GABRB1: variants seen among roughly 807,000 people sequenced by gnomAD.
GABRB1 encodes the protein gamma-aminobutyric acid type A receptor subunit beta1, also known as gamma-aminobutyric acid receptor subunit beta-1.
In GABRB1, 17 loss-of-function variants were observed where a neutral mutation model predicts 51.6. The ratio of observed to expected loss-of-function variants is 0.33; its 90% CI spans 0.23 to 0.49. The LOEUF (loss-of-function observed/expected upper bound fraction) is 0.49, where lower values mean the gene tolerates loss of function less well. Among genes scored for constraint, GABRB1 ranks in the 20% least tolerant of loss-of-function variants. The pLI is 0.99. For synonymous variants in GABRB1, 247 were observed against 218.9 expected (o/e 1.13, Z -1.14); for missense variants, 410 against 600.6 (o/e 0.68, Z 3.32).
intron 3 of GABRB1, among the ~76,000 whole-genome samples, chr4:47,041,769 A>G (rs1415357256): frequency 6.6e-6 from 1 of 152,094 alleles, no homozygotes; most frequent in African/African-American, 2.4e-5. Flanking sequence ...GTCTCCATGG[A>G]GACAGTTCAA....
At chr4:47,114,813 G>A (rs1470603666) in intron 3 of GABRB1, among the ~76,000 whole-genome samples, 1 of 152,158 alleles carries the variant, frequency 6.6e-6, no homozygotes, top group Non-Finnish European at 1.5e-5. Context: ...TAAGTCAAGA[G>A]CACAGGAAGA....
intron 5 of GABRB1, among the ~76,000 whole-genome samples, chr4:47,360,670 C>G (rs1401243834): frequency 6.6e-6 from 1 of 152,010 alleles, no homozygotes; most frequent in East Asian, 1.9e-4. Flanking sequence ...TGTAAAATCT[C>G]TATTATTACA....
chr4:47,140,692 T>A (rs1159848300), intron 3 of GABRB1, among the ~76,000 whole-genome samples: 1 of 151,814 alleles, frequency 6.6e-6, no homozygotes, highest in Non-Finnish European at 1.5e-5. Flanking sequence ...TTCCCCTTCC[T>A]GTACTTTGGA....
chr4:47,105,029 G>T (rs1714898526), intron 3 of GABRB1, among the ~76,000 whole-genome samples: 1 of 151,962 alleles, frequency 6.6e-6, no homozygotes, highest in Non-Finnish European at 1.5e-5. Context: ...GACATCTTAG[G>T]TAGTATAGTA....
chr4:47,025,090 TCA>T (rs1368652219), intron 1 of GABRB1, among the ~76,000 whole-genome samples: 4 of 150,410 alleles, frequency 2.7e-5, no homozygotes, highest in Non-Finnish European at 5.9e-5. Flanking sequence ...ATCACATATA[TCA>T]CATATATATA....
At position 47,004,842 on chromosome 4, in the gene GABRB1, A is replaced by G. The variant is rs540510088; in HGVS notation, c.-20+10916A>G. 2.6e-5 allele frequency among the ~76,000 whole-genome samples: 4 copies of G among 152,366 alleles called. No homozygotes were observed. In the South Asian group the frequency reaches 8.3e-4, roughly 32 times the overall value. On this transcript the variant is annotated intron_variant, in intron 1 of 3. Transcript: ENST00000513567. ...TTCCACCTTTAAAAATTATACTTCT[A>G]GGAAAAACAATATGTTTGCTATTTG... is the stretch of plus-strand genomic sequence containing the variant.
At chr4:47,060,473 ATTTGT>A (rs1726799178) in intron 3 of GABRB1, among the ~76,000 whole-genome samples, 1 of 152,144 alleles carries the variant, frequency 6.6e-6, no homozygotes, top group Non-Finnish European at 1.5e-5. Context: ...TGGTAAGACT[ATTTGT>A]TTCTCTTGGT....
At chr4:47,004,701 GCAAA>G (rs1560493030) in intron 1 of GABRB1, among the ~76,000 whole-genome samples, 2 of 151,874 alleles carry the variant, frequency 1.3e-5, no homozygotes, top group Admixed American at 6.5e-5. Flanking sequence ...AAACAGACAA[GCAAA>G]CAAACAAAAA....
intron 8 of GABRB1, among the ~76,000 whole-genome samples, chr4:47,417,306 T>C (rs1428813073): frequency 6.6e-6 from 1 of 151,878 alleles, no homozygotes; most frequent in Non-Finnish European, 1.5e-5. Context: ...TCCTGAATAA[T>C]ATAATTTATT....
chr4:47,336,696 T>C (rs140940850), intron 5 of GABRB1, among the ~76,000 whole-genome samples: 135 of 152,230 alleles, frequency 8.9e-4, no homozygotes, highest in African/African-American at 3.2e-3. Flanking sequence ...ATAGTGCAAG[T>C]TGGATGACAA....
In GABRB1 at chr4:47,347,512, A is replaced by G. The variant is rs189696749; in HGVS notation, c.544+27303A>G. Among the ~76,000 whole-genome samples, 18 of 152,284 alleles carry G rather than the reference A, an allele frequency of 1.2e-4. 1 individual carries two copies. The highest frequency in any genetic ancestry group is 4.3e-4 in the African/African-American group (18 of 41,556). ...GAAGAATGCCGTATATGCTGTTGCC[A>G]ACCCTTGGAACATAGTAACTAAAGA... is the stretch of plus-strand genomic sequence containing the variant. On this transcript the variant is annotated intron_variant, in intron 5 of 8. Transcript: ENST00000295454.
intron 4 of GABRB1, among the ~76,000 whole-genome samples, chr4:47,294,115 G>A (rs184636945): frequency 2.6e-5 from 4 of 152,192 alleles, no homozygotes; most frequent in East Asian, 1.9e-4. Context: ...AATTATCTAG[G>A]TGGGGGGCAG....
At chr4:47,310,804 C>T (rs1355759987) in intron 4 of GABRB1, among the ~76,000 whole-genome samples, 1 of 152,028 alleles carries the variant, frequency 6.6e-6, no homozygotes, top group Non-Finnish European at 1.5e-5. Context: ...TGTCCATGTC[C>T]TAAATTCTCT....
chr4:47,295,295 C>G (rs144130531), intron 4 of GABRB1, among the ~76,000 whole-genome samples: 2 of 151,962 alleles, frequency 1.3e-5, no homozygotes, highest in Non-Finnish European at 2.9e-5. Context: ...AGGCTTCAGA[C>G]GATCAAACTA....
intron 8 of GABRB1, among the ~76,000 whole-genome samples, chr4:47,424,520 A>G (rs1729202297): frequency 6.6e-6 from 1 of 152,178 alleles, no homozygotes; most frequent in South Asian, 2.1e-4. Context: ...TTTGCCGCCT[A>G]TGTTTTTCTC....
chr4:47,202,411 G>T (rs1019277838), intron 4 of GABRB1, among the ~76,000 whole-genome samples: 2 of 152,104 alleles, frequency 1.3e-5, no homozygotes, highest in Non-Finnish European at 2.9e-5. Context: ...TTACAGCAGT[G>T]TGAAAATGGA....
At chr4:47,328,116 G>A (rs971785556) in intron 5 of GABRB1, among the ~76,000 whole-genome samples, 15 of 152,218 alleles carry the variant, frequency 9.9e-5, no homozygotes, top group South Asian at 2.1e-4. Context: ...CTTCTTTTGC[G>A]AAGTGTCTGT....
chr4:47,377,437 G>A (rs1727426184), intron 5 of GABRB1, among the ~76,000 whole-genome samples: 1 of 151,962 alleles, frequency 6.6e-6, no homozygotes, highest in South Asian at 2.1e-4. Context: ...TGGGGTTCGT[G>A]GTCTCGGTGG....
At chr4:47,145,814 T>G (rs907160059) in intron 3 of GABRB1, among the ~76,000 whole-genome samples, 2 of 152,058 alleles carry the variant, frequency 1.3e-5, no homozygotes, top group East Asian at 3.9e-4. Context: ...ACTCCCAGGC[T>G]GACTCATTCA....
Sources: allele counts gnomAD v4.1 joint callset (sites outside exome capture counted in the v4.1 genomes callset), GRCh38; gene constraint gnomAD v4.1.1; transcripts MANE v1.5; gene names NCBI Gene and HGNC (gene_info 2026-07-23, HGNC 2026-07-21).